KDM4A: variants seen among roughly 807,000 people sequenced by gnomAD.
The protein encoded by KDM4A is lysine-specific demethylase 4A.
Under a neutral mutation model 127.1 loss-of-function variants are expected in KDM4A, and 23 were observed. That is an observed-to-expected ratio of 0.18 (90% confidence interval 0.13 to 0.26). The LOEUF is 0.26. KDM4A is among the 10% of genes least tolerant of loss of function. The pLI, the probability that KDM4A is intolerant of heterozygous loss-of-function variation, is 1.00. For missense variants in KDM4A, 890 were observed against 1,329.1 expected (o/e 0.67, Z 5.14); for synonymous variants, 443 against 466.5 (o/e 0.95, Z 0.65).
rs60244309 is a variant in KDM4A, at chr1:43,700,926, AT to A, written c.2842-2676del. On this transcript the variant is annotated intron_variant, in intron 19 of 21. Transcript: ENST00000372396. ...GTTGTTAAATATTATTATAAATTTA[AT>A]TTTTTTTTTTTTTTGAGACAGAGTC... Among the ~76,000 whole-genome samples, 706 of 143,050 alleles carry A rather than the reference AT, an allele frequency of 4.9e-3. 1 individual carries two copies. Among genetic ancestry groups the A allele is most frequent in the African/African-American group, 7.4e-3 (287 of 38,738 alleles). 93.8% of individuals were successfully genotyped at this position (143,050 alleles called of 152,430 possible).
rs758455774 is a variant in KDM4A, at chr1:43,665,723, G to A, written c.651G>A (p.Lys217=). ...ACTCTGTTCCACCTGAGCATGGAAA[G>A]CGGTTGGAACGCCTCGCCAAAGGTA... The part of the protein sequence containing the change: ...SWYSVPPEHG[K]RLERLAKGFF... The change falls in exon 6 of 22, where the codon AAG becomes AAA. Residue 217 remains lysine (K), a synonymous_variant. Coordinates refer to ENST00000372396, the MANE Select transcript of KDM4A (RefSeq NM_014663.3). 1.9e-6 allele frequency: 3 copies of A among 1,614,130 alleles called. No homozygotes were observed. Among genetic ancestry groups the A allele is most frequent in the Admixed American group, 1.7e-5 (1 of 60,020 alleles).
chr1:43,654,271 TAAAG>T (rs1386311716), intron 2 of KDM4A, among the ~76,000 whole-genome samples: 1 of 152,232 alleles, frequency 6.6e-6, no homozygotes, highest in Non-Finnish European at 1.5e-5. Flanking sequence ...CAAACGCAGA[TAAAG>T]AAAAGGCTGA....
At chr1:43,702,650 A>G (rs1482861966) in intron 19 of KDM4A, 1 of 152,188 alleles carries the variant, frequency 6.6e-6, no homozygotes, top group Non-Finnish European at 1.5e-5. Context: ...GACTTGGGGT[A>G]CTTACCTGCT....
chr1:43,666,495 C>T lies in KDM4A; in HGVS notation c.717C>T (p.Arg239=), dbSNP rs747337911. Residue 239 remains arginine, a synonymous_variant, in exon 7 of 22, where the codon CGC becomes CGT. Transcript: ENST00000372396. ...GSAQSCEAFL[R]HKMTLISPLM... Reference sequence around the variant, plus strand: ...CTCAAAGCTGTGAGGCATTTCTCCGCCACAAGATGACCCTGATTTCCCCGT... The same window carrying T: ...CTCAAAGCTGTGAGGCATTTCTCCGTCACAAGATGACCCTGATTTCCCCGT... 1.9e-6 allele frequency: 3 copies of T among 1,614,060 alleles called. No homozygotes were observed. Among genetic ancestry groups the T allele is most frequent in the Admixed American group, 3.3e-5 (2 of 59,994 alleles).
intron 9 of KDM4A, among the ~76,000 whole-genome samples, chr1:43,668,781 T>C (rs1660556584): frequency 6.6e-6 from 1 of 152,158 alleles, no homozygotes; most frequent in African/African-American, 2.4e-5. Context: ...TCCTGGGCCA[T>C]ATGGGAAAGA....
intron 12 of KDM4A, among the ~76,000 whole-genome samples, chr1:43,685,404 T>C (rs1423101651): frequency 6.6e-6 from 1 of 151,664 alleles, no homozygotes; most frequent in Non-Finnish European, 1.5e-5. Context: ...TCAGGCCCTG[T>C]CCTACCTGGT....
At chr1:43,692,396 T>G in intron 16 of KDM4A, 85 bp downstream of exon 16, 1 of 1,140,702 alleles carries the variant, frequency 8.8e-7, no homozygotes. Flanking sequence ...GCTGTTCTTC[T>G]GAATGACTGA....
chr1:43,654,850 A>AT (rs886331090), intron 2 of KDM4A, among the ~76,000 whole-genome samples: 2 of 150,886 alleles, frequency 1.3e-5, no homozygotes, highest in Admixed American at 6.6e-5. Context: ...TCAAGATTAG[A>AT]TTTTTTTTGT....
At chr1:43,650,626 G>T in intron 1 of KDM4A, 1 of 152,748 alleles carries the variant, frequency 6.5e-6, no homozygotes, top group Non-Finnish European at 1.5e-5. Flanking sequence ...CGAGGGAAGG[G>T]TGCGGGAGTC....
chr1:43,677,292 C>CAT (rs1171382266), intron 11 of KDM4A, among the ~76,000 whole-genome samples: 2 of 147,096 alleles, frequency 1.4e-5, no homozygotes, highest in Non-Finnish European at 3.0e-5. Context: ...TTGCGCTGAG[C>CAT]TGGGATCTTG....
intron 18 of KDM4A, among the ~76,000 whole-genome samples, chr1:43,695,970 A>G (rs1246754046): frequency 6.6e-6 from 1 of 152,198 alleles, no homozygotes; most frequent in African/African-American, 2.4e-5. Context: ...GTTGCTCTGC[A>G]AGGGAGAGAA....
At chr1:43,662,010 C>T (rs144504462) in intron 4 of KDM4A, among the ~76,000 whole-genome samples, 1 of 152,266 alleles carries the variant, frequency 6.6e-6, no homozygotes, top group Non-Finnish European at 1.5e-5. Flanking sequence ...CCTCCTGCTT[C>T]ACCCTCCCAA....
At chr1:43,684,027 T>C (rs1660915962) in intron 12 of KDM4A, among the ~76,000 whole-genome samples, 1 of 152,224 alleles carries the variant, frequency 6.6e-6, no homozygotes. Context: ...TAGGGGATAA[T>C]TGCAGGCAGG....
chr1:43,676,513 G>C (rs1352825708), intron 11 of KDM4A, among the ~76,000 whole-genome samples: 1 of 152,026 alleles, frequency 6.6e-6, no homozygotes, highest in Non-Finnish European at 1.5e-5. Context: ...TAGAGACAGG[G>C]TTTCACCATC....
intron 11 of KDM4A, among the ~76,000 whole-genome samples, chr1:43,673,273 C>T (rs887244844): frequency 3.3e-5 from 5 of 152,088 alleles, no homozygotes; most frequent in Admixed American, 6.6e-5. Flanking sequence ...GCAGAAGGTC[C>T]TCTTTATTCC....
At chr1:43,658,017 G>C (rs1305098384) in intron 3 of KDM4A, among the ~76,000 whole-genome samples, 1 of 148,764 alleles carries the variant, frequency 6.7e-6, no homozygotes, top group Non-Finnish European at 1.5e-5. Flanking sequence ...CCAGCCCTAT[G>C]TCTATTCCTT....
intron 19 of KDM4A, among the ~76,000 whole-genome samples, chr1:43,701,005 C>T (rs958538438): frequency 3.3e-5 from 5 of 151,962 alleles, no homozygotes; most frequent in Admixed American, 6.5e-5. Context: ...TCACTGCAAC[C>T]TCCACCTACC....
chr1:43,651,053 ATT>A (rs1480592737), intron 1 of KDM4A, among the ~76,000 whole-genome samples: 5 of 152,208 alleles, frequency 3.3e-5, no homozygotes, highest in African/African-American at 1.2e-4. Context: ...TGTGCCATGC[ATT>A]GTTCTAGGCA....
At chr1:43,687,665 T>C (rs1014938709) in intron 12 of KDM4A, among the ~76,000 whole-genome samples, 9 of 152,258 alleles carry the variant, frequency 5.9e-5, no homozygotes, top group Admixed American at 5.2e-4. Flanking sequence ...TTCAGAATTA[T>C]GGCGTTTCCT....
Sources: gnomAD v4.1 joint callset for allele counts (sites outside exome capture counted in the v4.1 genomes callset) on GRCh38, gnomAD v4.1.1 for gene constraint, MANE v1.5 for transcripts, NCBI Gene and HGNC (gene_info 2026-07-23, HGNC 2026-07-21) for gene names.